Variants in ANLN observed in about 807,000 individuals in gnomAD.
ANLN encodes the protein anillin.
Under a neutral mutation model 135.1 loss-of-function variants are expected in ANLN, and 59 were observed. That is an observed-to-expected ratio of 0.44 (90% CI 0.35 to 0.54). The LOEUF is 0.54. ANLN is among the 20% of genes least tolerant of loss of function. The pLI, the probability that ANLN is intolerant of heterozygous loss-of-function variation, is 0.00. For synonymous variants in ANLN, 406 were observed against 456.4 expected (o/e 0.89, Z 1.41); for missense variants, 1,182 against 1,340.0 (o/e 0.88, Z 1.84).
chr7:36,436,488 TAGG>T (rs1195745096), intron 20 of ANLN, among the ~76,000 whole-genome samples: 12 of 152,216 alleles, frequency 7.9e-5, no homozygotes, highest in African/African-American at 2.9e-4. Flanking sequence ...AGGATATACA[TAGG>T]AGCAGAATTG....
chr7:36,438,221 A>AT (rs1788625045), intron 20 of ANLN, among the ~76,000 whole-genome samples: 1 of 152,080 alleles, frequency 6.6e-6, no homozygotes, highest in African/African-American at 2.4e-5. Context: ...TCTCTGCACC[A>AT]TTTTTTGAAA....
At chr7:36,394,420 A>T (rs1786608647) in intron 1 of ANLN, among the ~76,000 whole-genome samples, 2 of 152,060 alleles carry the variant, frequency 1.3e-5, no homozygotes, top group Admixed American at 1.3e-4. Flanking sequence ...TTTTATTTTT[A>T]GTTCTCATAT....
At chr7:36,406,100 T>G in intron 3 of ANLN, 81 bp from the exon 4 acceptor site, 4 of 1,340,004 alleles carry the variant, frequency 3.0e-6, no homozygotes, top group Non-Finnish European at 4.0e-6. Flanking sequence ...ATTTAAAAAT[T>G]CAGCATAGAG....
intron 9 of ANLN, among the ~76,000 whole-genome samples, chr7:36,417,801 C>T (rs1787709619): frequency 6.6e-6 from 1 of 151,774 alleles, no homozygotes; most frequent in Admixed American, 6.6e-5. Context: ...CCTCAGCCTC[C>T]TGAGTAGCTG....
intron 3 of ANLN, among the ~76,000 whole-genome samples, chr7:36,402,524 C>T (rs1214064983): frequency 2.0e-5 from 3 of 152,160 alleles, no homozygotes; most frequent in Non-Finnish European, 4.4e-5. Context: ...AAACACTTGC[C>T]TGCTTCTGCT....
chr7:36,437,779 A>T lies in ANLN; in HGVS notation c.2884-1425A>T, dbSNP rs1266054639. Among the ~76,000 whole-genome samples the T allele has an allele frequency of 2.0e-5, 3 of 151,500 alleles. No individual in the cohort carries two copies. The East Asian group carries it at 5.8e-4, about 29-fold the overall frequency. ...GTTTTATTTTATTTTATTTTATTTT[A>T]AAAATTTTTTTTTGAGAGTTTCACT... On this transcript the variant is annotated intron_variant, in intron 20 of 23. Transcript: ENST00000265748.
rs189991195 is a variant in ANLN, at chr7:36,448,787, A to G, written c.3079-878A>G. 2.6e-5 allele frequency among the ~76,000 whole-genome samples: 4 copies of G among 152,328 alleles called. No individual in the cohort carries two copies. In the East Asian group the frequency reaches 7.7e-4, roughly 29 times the overall value. On this transcript the variant is annotated intron_variant, in intron 22 of 23. Coordinates refer to ENST00000265748, the MANE Select transcript of ANLN (RefSeq NM_018685.5). ...TTGGAATTTTTTGCTATTATGAAAA[A>G]ACAGTGACTACACATATTAGAATCT...
chr7:36,397,285 A>T (rs1198347166), intron 2 of ANLN, among the ~76,000 whole-genome samples: 2 of 152,310 alleles, frequency 1.3e-5, no homozygotes, highest in African/African-American at 2.4e-5. Context: ...ATTACATATT[A>T]TATGGTATTC....
Position 36,407,703 on chromosome 7 carries a change from G to C in ANLN, c.874-31G>C, listed in dbSNP as rs745508082. 5.3e-6 allele frequency: 8 copies of C among 1,501,402 alleles called. No homozygotes were observed. The South Asian group carries it at 6.8e-5, about 13-fold the overall frequency. The allele number at this position is 1,501,402 out of a possible 1,614,324, so 93.0% of individuals were successfully genotyped here. ...AGGACTATTTTTAGATATTGTGAAT[G>C]TTGTTTACCCTAAGTGTTTTCATGT... is the stretch of plus-strand genomic sequence containing the variant. On this transcript the variant is annotated intron_variant, in intron 4 of 23. Coordinates refer to ENST00000265748, the MANE Select transcript of ANLN (RefSeq NM_018685.5).
Position 36,419,319 on chromosome 7 carries a change from G to A in ANLN, c.1709G>A (p.Ser570Asn), listed in dbSNP as rs781664944. 3.1e-6 allele frequency: 5 copies of A among 1,613,978 alleles called. No homozygotes were observed. Among genetic ancestry groups the A allele is most frequent in the Non-Finnish European group, 2.5e-6 (3 of 1,179,996 alleles). The change falls in exon 10 of 24, where the codon AGT becomes AAT. Residue 570 changes from serine (S) to asparagine (N), a missense_variant. Physicochemically the swap from Ser to Asn is conservative, Grantham distance 46. This residue lies in a region of ANLN where 1,022 missense variants were observed against 1,134.0 expected (regional missense o/e 0.90). Transcript: ENST00000265748. ...TCGAAAGTAATTAATGACCTCTTCA[G>A]TGATGTCCTAGAGGAAGGTGAACTA... is the stretch of plus-strand genomic sequence containing the variant. ...NSSKVINDLF[S>N]DVLEEGELDM... is the part of the protein sequence containing the mutation.
intron 8 of ANLN, 125 bp downstream of exon 8, chr7:36,416,009 G>T: frequency 1.2e-6 from 1 of 839,922 alleles, no homozygotes; most frequent in Admixed American, 3.5e-5. Context: ...GAATCTTTAG[G>T]GTTTTCTTTC....
rs543976710 is a variant in ANLN at position 36,423,935 on chromosome 7, A to G, written c.2595A>G (p.Thr865=). 53 of 1,608,546 alleles carry G rather than the reference A, an allele frequency of 3.3e-5. No homozygotes were observed. Among genetic ancestry groups the G allele is most frequent in the South Asian group, 3.1e-4 (28 of 90,088 alleles). The change falls in exon 15 of 24, where the codon ACA becomes ACG. Residue 865 remains threonine, a synonymous_variant. Transcript: ENST00000265748. ...LNGDALTFTT[T]FTLQDVSNDF... Reference sequence around the variant, plus strand: ...GTGATGCTCTGACATTCACTACTACATTTACTCTGTAAGTAAATCAGGCTT... The same window carrying G: ...GTGATGCTCTGACATTCACTACTACGTTTACTCTGTAAGTAAATCAGGCTT...
intron 20 of ANLN, among the ~76,000 whole-genome samples, chr7:36,436,838 C>CT (rs1431747062): frequency 6.6e-6 from 1 of 152,068 alleles, no homozygotes; most frequent in Non-Finnish European, 1.5e-5. Context: ...GTTGGGTTGT[C>CT]TTTTTGTTAC....
chr7:36,410,568 A>G lies in ANLN; in HGVS notation c.1151A>G (p.His384Arg), dbSNP rs1787369751. The change falls in exon 6 of 24, where the codon CAT (histidine) becomes CGT (arginine). Residue 384 changes from histidine to arginine, a missense_variant. Coordinates refer to ENST00000265748, the MANE Select transcript of ANLN (RefSeq NM_018685.5). ...CGCTTTGGAGAGCGTTGTCAAGAAC[A>G]TAGCAAAGAAAGTCCAGCTCGTAGC... ...LERFGERCQE[H>R]SKESPARSTP... 1 of 1,614,076 alleles carries G rather than the reference A, an allele frequency of 6.2e-7. No homozygotes were observed.
In ANLN at chr7:36,425,695, C is replaced by A. The variant is rs745508608; in HGVS notation, c.2710-7C>A. 4 of 1,602,454 alleles carry A rather than the reference C, an allele frequency of 2.5e-6. No individual in the cohort carries two copies. In the South Asian group the frequency reaches 4.4e-5, roughly 18 times the overall value. On this transcript the variant is annotated splice_region_variant and splice_polypyrimidine_tract_variant and intron_variant, in intron 17 of 23. Transcript: ENST00000265748. ...AAATATATATAGTAAGCTATCTTTT[C>A]TTTTAGGCTATTACTCCAAAGCGAC... is the stretch of plus-strand genomic sequence containing the variant.
In ANLN at chr7:36,419,395, C is replaced by T. The variant is rs376184723; in HGVS notation, c.1785C>T (p.Ser595=). The change falls in exon 10 of 24, where the codon AGC becomes AGT. Residue 595 remains serine (S), a synonymous_variant. Coordinates refer to ENST00000265748, the MANE Select transcript of ANLN (RefSeq NM_018685.5). The stretch of plus-strand genomic sequence containing the variant: ...TGGATCAAGCATTAGCAGAAAGCAG[C>T]GAAGAACAGGAAGATGCACTGAATA... ...EEMDQALAES[S]EEQEDALNIS... 10 of 1,613,906 alleles carry T rather than the reference C, an allele frequency of 6.2e-6. No homozygotes were observed. The highest frequency in any genetic ancestry group is 2.2e-5 in the East Asian group (1 of 44,874).
chr7:36,390,287 A>C, intron 1 of ANLN: 1 of 593,582 alleles, frequency 1.7e-6, no homozygotes, highest in South Asian at 2.1e-5. Context: ...TCTGTCCTAA[A>C]AGGCTGTTGC....
chr7:36,431,336 T>C (rs1033149535), intron 20 of ANLN, among the ~76,000 whole-genome samples: 2 of 152,102 alleles, frequency 1.3e-5, no homozygotes, highest in African/African-American at 4.8e-5. Context: ...TAAGTTATCT[T>C]TGCTATGTTA....
At position 36,407,844 on chromosome 7, in the gene ANLN, G is replaced by A. The variant is rs759785603; in HGVS notation, c.984G>A (p.Gly328=). ...CTCCTATTAGTCCTCTGAAAACGGG[G>A]GTATCGAAACCAATTGTGAAGTCAA... ...PKTPISPLKT[G]VSKPIVKSTL... The change falls in exon 5 of 24, where the codon GGG becomes GGA. Residue 328 remains glycine, a synonymous_variant. Transcript: ENST00000265748. The A allele has an allele frequency of 6.2e-7, 1 of 1,613,736 alleles. No homozygotes were observed. Among genetic ancestry groups the A allele is most frequent in the Non-Finnish European group, 8.5e-7 (1 of 1,179,806 alleles).
Sources: allele counts gnomAD v4.1 joint callset (sites outside exome capture counted in the v4.1 genomes callset), GRCh38; gene constraint gnomAD v4.1.1; regional missense constraint gnomAD v4.1.1; transcripts MANE v1.5; gene names NCBI Gene and HGNC (gene_info 2026-07-23, HGNC 2026-07-21).